SKIC3: variants seen among roughly 807,000 people sequenced by gnomAD.
SKIC3 encodes the protein SKI3 subunit of superkiller complex.
the SKIC3 span, among the ~76,000 whole-genome samples, chr5:95,496,162 C>T: frequency 7.3e-3 from 1,114 of 152,046 alleles, 18 homozygotes; most frequent in African/African-American, 0.025. Context: ...GGACTACAGG[C>T]GTGCGCCACC....
chr5:95,553,491 T>C, the SKIC3 span, among the ~76,000 whole-genome samples: 1 of 152,352 alleles, frequency 6.6e-6, no homozygotes, highest in East Asian at 1.9e-4. Context: ...TATTATTTCA[T>C]GTATGCTTGG....
At chr5:95,493,734 T>C in the SKIC3 span, among the ~76,000 whole-genome samples, 1 of 151,980 alleles carries the variant, frequency 6.6e-6, no homozygotes, top group African/African-American at 2.4e-5. Flanking sequence ...CAACAGTGCT[T>C]AGGCAAAAGC....
chr5:95,542,767 G>C, the SKIC3 span, among the ~76,000 whole-genome samples: 3 of 152,098 alleles, frequency 2.0e-5, no homozygotes, highest in Non-Finnish European at 4.4e-5. Context: ...AAACATTAAG[G>C]CCACTAAGTA....
At chr5:95,509,766 T>A in the SKIC3 span, 1 of 914,464 alleles carries the variant, frequency 1.1e-6, no homozygotes, top group Non-Finnish European at 1.8e-6. Flanking sequence ...TTTTTCAGTA[T>A]CTTAAATATC....
chr5:95,517,017 A>T, the SKIC3 span: 1 of 1,613,694 alleles, frequency 6.2e-7, no homozygotes, highest in Non-Finnish European at 8.5e-7. Flanking sequence ...AGGTCACACC[A>T]TGTATTAGAT....
chr5:95,469,749 T>C, the SKIC3 span: 1 of 1,613,054 alleles, frequency 6.2e-7, no homozygotes, highest in Non-Finnish European at 8.5e-7. Flanking sequence ...TGAAGAAGCA[T>C]TTATAAGAAA....
chr5:95,546,896 T>C, the SKIC3 span: 5 of 669,196 alleles, frequency 7.5e-6, no homozygotes, highest in Non-Finnish European at 1.3e-5. Flanking sequence ...GCAGAGGTAG[T>C]TTATCCTGCT....
the SKIC3 span, among the ~76,000 whole-genome samples, chr5:95,508,856 A>G: frequency 1.3e-5 from 2 of 152,250 alleles, no homozygotes; most frequent in Non-Finnish European, 2.9e-5. Context: ...TACATAGTAG[A>G]TATTAAAGTC....
chr5:95,492,564 G>A, the SKIC3 span, among the ~76,000 whole-genome samples: 1 of 129,170 alleles, frequency 7.7e-6, no homozygotes, highest in Non-Finnish European at 1.6e-5. Flanking sequence ...GTGAACCCGG[G>A]AGGCGGAGCT....
the SKIC3 span, chr5:95,547,291 TAC>T: frequency 4.2e-6 from 3 of 713,254 alleles, no homozygotes; most frequent in African/African-American, 1.8e-5. Flanking sequence ...CTCTAGAATA[TAC>T]ACAGTTTATT....
chr5:95,492,652 GAAAAAAAAAAAAAAAAAAAAAAAAA>G, the SKIC3 span, among the ~76,000 whole-genome samples: 40 of 48,844 alleles, frequency 8.2e-4, no homozygotes, highest in African/African-American at 4.1e-3. Context: ...AAAAAAAAAA[GAAAAAAAAAAAAAAAAAAAAAAAAA>G]AAAAAAAAAA....
chr5:95,521,602 G>A, the SKIC3 span: 1 of 156,636 alleles, frequency 6.4e-6, no homozygotes, highest in Non-Finnish European at 1.4e-5. Context: ...ATATATGGAT[G>A]GTGGTATTTT....
the SKIC3 span, among the ~76,000 whole-genome samples, chr5:95,465,978 TG>T: frequency 6.6e-6 from 1 of 152,236 alleles, no homozygotes; most frequent in African/African-American, 2.4e-5. Context: ...TCCACCTTTT[TG>T]ATTTGGAATA....
the SKIC3 span, among the ~76,000 whole-genome samples, chr5:95,532,897 T>C: frequency 6.6e-6 from 1 of 152,142 alleles, no homozygotes; most frequent in African/African-American, 2.4e-5. Context: ...TTTTAAAAAA[T>C]TAATTTCTGA....
chr5:95,494,598 G>A, the SKIC3 span: 2 of 1,320,588 alleles, frequency 1.5e-6, no homozygotes, highest in Non-Finnish European at 2.2e-6. Context: ...AATATATATT[G>A]TGTGCAAGAT....
At chr5:95,505,387 T>C in the SKIC3 span, among the ~76,000 whole-genome samples, 5 of 152,218 alleles carry the variant, frequency 3.3e-5, no homozygotes, top group African/African-American at 7.2e-5. Flanking sequence ...TTTGGATACA[T>C]ACATATATAT....
the SKIC3 span, among the ~76,000 whole-genome samples, chr5:95,485,810 G>T: frequency 6.6e-5 from 10 of 152,274 alleles, no homozygotes; most frequent in African/African-American, 2.4e-4. Flanking sequence ...ATAGCAAGTA[G>T]ATAATCACAC....
chr5:95,528,625 G>C, the SKIC3 span, among the ~76,000 whole-genome samples: 1 of 151,910 alleles, frequency 6.6e-6, no homozygotes, highest in Non-Finnish European at 1.5e-5. Context: ...CCCTCACCCT[G>C]TCACATTCAA....
the SKIC3 span, among the ~76,000 whole-genome samples, chr5:95,545,201 G>A: frequency 6.6e-6 from 1 of 152,126 alleles, no homozygotes; most frequent in Non-Finnish European, 1.5e-5. Flanking sequence ...ACCTAGTGCT[G>A]AAGGAAACAG....
Sources: gnomAD v4.1 joint callset for allele counts (sites outside exome capture counted in the v4.1 genomes callset) on GRCh38, gnomAD v4.1.1 for gene constraint, MANE v1.5 for transcripts, NCBI Gene and HGNC (gene_info 2026-07-23, HGNC 2026-07-21) for gene names.